Variants in PODXL observed in about 807,000 individuals in gnomAD.
PODXL encodes podocalyxin.
In PODXL, 20 loss-of-function variants were observed where a neutral mutation model predicts 48.9. That is an observed-to-expected ratio of 0.41 (90% CI 0.29 to 0.59). PODXL has a LOEUF of 0.59. Among genes scored for constraint, PODXL ranks in the 20% least tolerant of loss-of-function variants. The pLI is 0.31. For synonymous variants in PODXL, 295 were observed against 287.4 expected (o/e 1.03, Z -0.27); for missense variants, 606 against 675.1 (o/e 0.90, Z 1.13).
chr7:131,555,474 G>A (rs1161821286), intron 1 of PODXL, among the ~76,000 whole-genome samples: 4 of 152,182 alleles, frequency 2.6e-5, no homozygotes, highest in Non-Finnish European at 5.9e-5. Flanking sequence ...ATGAGAGACA[G>A]GTACATTTTC....
At chr7:131,550,635 C>CA (rs1257840419) in intron 1 of PODXL, among the ~76,000 whole-genome samples, 52 of 147,808 alleles carry the variant, frequency 3.5e-4, no homozygotes, top group Middle Eastern at 6.9e-3. Flanking sequence ...GATTCCATCT[C>CA]AGAACAAAAA....
intron 1 of PODXL, among the ~76,000 whole-genome samples, chr7:131,516,637 A>G (rs181307583): frequency 2.3e-4 from 35 of 152,196 alleles, no homozygotes; most frequent in Admixed American, 3.9e-4. Context: ...AAGCAACATA[A>G]TTCATGACTT....
At chr7:131,504,590 C>G in intron 8 of PODXL, 82 bp from the exon 9 acceptor site, 1 of 1,135,508 alleles carries the variant, frequency 8.8e-7, no homozygotes. Context: ...ACCCCTCCCA[C>G]TCAGGAGCCC....
At chr7:131,534,970 T>C (rs1798346602) in intron 1 of PODXL, among the ~76,000 whole-genome samples, 1 of 152,094 alleles carries the variant, frequency 6.6e-6, no homozygotes. Context: ...GAGGATGGCT[T>C]GAGCCTGGGA....
chr7:131,508,040 C>T (rs1036390455), intron 5 of PODXL, among the ~76,000 whole-genome samples: 1 of 152,172 alleles, frequency 6.6e-6, no homozygotes, highest in Non-Finnish European at 1.5e-5. Context: ...CGGCACTGAC[C>T]GGGAGAGGGC....
chr7:131,502,888 C>G lies in PODXL; in HGVS notation c.*1423G>C, dbSNP rs1201667313. The G allele has an allele frequency of 6.5e-6, 1 of 152,812 alleles. No individual in the cohort carries two copies. The highest frequency in any genetic ancestry group is 1.5e-5 in the Non-Finnish European group (1 of 68,182). 9.5% of individuals were successfully genotyped at this position (152,812 alleles called of 1,614,324 possible). ...ACCAGAAACTGCAAGAGAACCGCAGCAGCCCCACTAGGCTCACAGAGAAGA... is the reference window on the plus strand; with the variant it reads ...ACCAGAAACTGCAAGAGAACCGCAGGAGCCCCACTAGGCTCACAGAGAAGA... On this transcript the variant is annotated 3_prime_UTR_variant, in exon 9 of 9. Transcript: ENST00000378555.
chr7:131,543,724 G>C (rs1798519899), intron 1 of PODXL, among the ~76,000 whole-genome samples: 1 of 152,168 alleles, frequency 6.6e-6, no homozygotes, highest in Non-Finnish European at 1.5e-5. Context: ...CATCTGACCT[G>C]CAGTGAGATG....
intron 1 of PODXL, among the ~76,000 whole-genome samples, chr7:131,554,276 C>G (rs968420172): frequency 6.6e-6 from 1 of 152,124 alleles, no homozygotes; most frequent in African/African-American, 2.4e-5. Flanking sequence ...CCCCCACAAG[C>G]CTTTTCTGGC....
chr7:131,543,803 C>A (rs1020244448), intron 1 of PODXL, among the ~76,000 whole-genome samples: 4 of 152,156 alleles, frequency 2.6e-5, no homozygotes, highest in African/African-American at 9.7e-5. Context: ...TCCATGCCCC[C>A]CTTCACATTA....
At chr7:131,518,206 G>C (rs914898114) in intron 1 of PODXL, among the ~76,000 whole-genome samples, 8 of 152,040 alleles carry the variant, frequency 5.3e-5, no homozygotes, top group African/African-American at 1.9e-4. Context: ...GTCTTTTTGC[G>C]GGGGGAATGC....
intron 1 of PODXL, among the ~76,000 whole-genome samples, chr7:131,531,205 G>C (rs1018581977): frequency 2.6e-5 from 4 of 152,146 alleles, no homozygotes; most frequent in Non-Finnish European, 5.9e-5. Context: ...CCTGTCCTTG[G>C]AGGCTGTTGG....
chr7:131,554,144 G>A (rs932011769), intron 1 of PODXL, among the ~76,000 whole-genome samples: 1 of 152,144 alleles, frequency 6.6e-6, no homozygotes, highest in Non-Finnish European at 1.5e-5. Flanking sequence ...TATTCCCGAT[G>A]ACAGCAGCCC....
At chr7:131,554,886 C>T (rs1798719595) in intron 1 of PODXL, among the ~76,000 whole-genome samples, 1 of 152,224 alleles carries the variant, frequency 6.6e-6, no homozygotes, top group South Asian at 2.1e-4. Flanking sequence ...CATCTCAACC[C>T]TGCATGTCGT....
chr7:131,540,553 C>T (rs1798459055), intron 1 of PODXL, among the ~76,000 whole-genome samples: 1 of 152,160 alleles, frequency 6.6e-6, no homozygotes, highest in Non-Finnish European at 1.5e-5. Flanking sequence ...GTCCCTGCTC[C>T]CAGGAGCACC....
At chr7:131,524,605 A>G (rs1045118828) in intron 1 of PODXL, among the ~76,000 whole-genome samples, 2 of 152,146 alleles carry the variant, frequency 1.3e-5, no homozygotes, top group African/African-American at 2.4e-5. Flanking sequence ...AAATCAAACA[A>G]ACTGACGATC....
chr7:131,506,956 C>T (rs748663098), intron 5 of PODXL: 7 of 575,302 alleles, frequency 1.2e-5, no homozygotes, highest in Admixed American at 3.0e-5. Flanking sequence ...GCCCGTTCTC[C>T]GCACTGTGTT....
At position 131,503,987 on chromosome 7, in the gene PODXL, C is replaced by T. The variant is rs953524103; in HGVS notation, c.*324G>A. 2 of 377,200 alleles carry T rather than the reference C, an allele frequency of 5.3e-6. No individual in the cohort carries two copies. Among genetic ancestry groups the T allele is most frequent in the Admixed American group, 4.3e-5 (1 of 23,392 alleles). The allele number at this position is 377,200 out of a possible 1,614,324, so 23.4% of individuals were successfully genotyped here. A position where few individuals can be genotyped will look rare whatever the true frequency, so the allele number is the denominator to read the frequency against. ...TGACCTTGGGCAAGTCACTTACCCT[C>T]TTCAGGTCTCGGCAATCTCACTGCA... On this transcript the variant is annotated 3_prime_UTR_variant, in exon 9 of 9. Transcript: ENST00000378555.
intron 1 of PODXL, among the ~76,000 whole-genome samples, chr7:131,539,818 G>A (rs983304517): frequency 2.0e-5 from 3 of 152,148 alleles, no homozygotes; most frequent in African/African-American, 4.8e-5. Context: ...CTGAGACCAC[G>A]GGGTAGAGGG....
rs541835990 is a variant in PODXL at position 131,520,755 on chromosome 7, T to A, written c.101-9322A>T. On this transcript the variant is annotated intron_variant, in intron 1 of 8. Transcript: ENST00000378555. ...AAAAGCGCAAACCAAAGAAAAAGAC[T>A]GATACATTTAGCGTCAAAGTTAAGA... Among the ~76,000 whole-genome samples, 9 of 152,340 alleles carry A rather than the reference T, an allele frequency of 5.9e-5. No homozygotes were observed. The East Asian group carries it at 1.7e-3, about 29-fold the overall frequency.
Sources: gnomAD v4.1 joint callset for allele counts (sites outside exome capture counted in the v4.1 genomes callset) on GRCh38, gnomAD v4.1.1 for gene constraint, MANE v1.5 for transcripts, NCBI Gene and HGNC (gene_info 2026-07-23, HGNC 2026-07-21) for gene names.